FBP2: variants seen among roughly 807,000 people sequenced by gnomAD.
FBP2 encodes the protein fructose-1,6-bisphosphatase isozyme 2.
A neutral mutation model predicts 31.6 loss-of-function variants in FBP2; 27 were observed. The ratio of observed to expected loss-of-function variants is 0.85; its 90% CI spans 0.63 to 1.18. FBP2 has a LOEUF of 1.18. Among genes scored for constraint, FBP2 ranks in the 50% most tolerant of loss-of-function variants. The probability of loss-of-function intolerance (pLI) is 0.00; values close to 1 mark genes in which losing one functional copy is unlikely to be tolerated. For synonymous variants in FBP2, 168 were observed against 179.8 expected, an observed-to-expected ratio of 0.93 and a Z score of 0.53; for missense variants, 421 against 436.1, an observed-to-expected ratio of 0.97 and a Z score of 0.31.
chr9:94,591,381 G>T (rs1485001755), intron 1 of FBP2, among the ~76,000 whole-genome samples: 2 of 152,218 alleles, frequency 1.3e-5, no homozygotes, highest in Non-Finnish European at 2.9e-5. Flanking sequence ...GCAGCCACTG[G>T]CCCGGGTGCT....
intron 3 of FBP2, among the ~76,000 whole-genome samples, chr9:94,573,631 A>G (rs112048156): frequency 0.022 from 3,388 of 152,278 alleles, 130 homozygotes; most frequent in African/African-American, 0.077. Flanking sequence ...GATTACACTG[A>G]CTGATTATGA....
At position 94,593,614 on chromosome 9, in the gene FBP2, ATTGAGTTCAGCAGCTGGG is replaced by A; in HGVS notation, c.95_112del (p.Thr32_Ser37del). 6.2e-7 allele frequency: 1 copy of A among 1,614,172 alleles called. No individual in the cohort carries two copies. The stretch of plus-strand genomic sequence containing the variant: ...GGAGATGGCTTTGATGGCCGTCAGC[ATTGAGTTCAGCAGCTGGG>A]TGAGCTCCCCAGTCCCTTTGGCCTG... On this transcript the variant is annotated inframe_deletion, in exon 1 of 7. Coordinates refer to ENST00000375337, the MANE Select transcript of FBP2 (RefSeq NM_003837.4).
chr9:94,575,764 T>C (rs1827309336), intron 3 of FBP2, among the ~76,000 whole-genome samples: 1 of 152,208 alleles, frequency 6.6e-6, no homozygotes, highest in South Asian at 2.1e-4. Flanking sequence ...TGCCAACACT[T>C]GGTATGCTTA....
chr9:94,576,279 C>T (rs1001663128), intron 3 of FBP2, among the ~76,000 whole-genome samples: 4 of 152,208 alleles, frequency 2.6e-5, no homozygotes, highest in African/African-American at 9.7e-5. Context: ...CCCCTCCCTT[C>T]CCCCGAAATA....
chr9:94,586,332 G>A (rs997451236), intron 2 of FBP2, among the ~76,000 whole-genome samples: 4 of 152,106 alleles, frequency 2.6e-5, no homozygotes, highest in Non-Finnish European at 4.4e-5. Context: ...CTGAGATTGC[G>A]CCATTGCACT....
At chr9:94,565,144 C>A (rs1045013864) in intron 5 of FBP2, among the ~76,000 whole-genome samples, 5 of 152,130 alleles carry the variant, frequency 3.3e-5, no homozygotes, top group Admixed American at 6.6e-5. Context: ...GAGGCCAAGG[C>A]AGGTGGATCA....
intron 3 of FBP2, among the ~76,000 whole-genome samples, chr9:94,572,074 C>T (rs1466680599): frequency 6.6e-6 from 1 of 152,146 alleles, no homozygotes; most frequent in African/African-American, 2.4e-5. Context: ...GCTGGAGCGG[C>T]TGCACAACTC....
intron 3 of FBP2, among the ~76,000 whole-genome samples, chr9:94,583,605 A>G (rs1471783497): frequency 1.3e-5 from 2 of 152,094 alleles, no homozygotes; most frequent in South Asian, 2.1e-4. Context: ...TTTGGTTGCT[A>G]TGGATTGTTT....
chr9:94,568,162 T>C (rs995982974), intron 4 of FBP2: 1 of 151,932 alleles, frequency 6.6e-6, no homozygotes, highest in African/African-American at 2.4e-5. Flanking sequence ...AGTTATTTTG[T>C]TTATGTTAGT....
chr9:94,593,105 T>C (rs1193766144), intron 1 of FBP2, among the ~76,000 whole-genome samples: 1 of 152,206 alleles, frequency 6.6e-6, no homozygotes, highest in Non-Finnish European at 1.5e-5. Context: ...GAAGGGGCTC[T>C]ACCAAGCTTC....
chr9:94,567,705 A>G (rs911843466), intron 4 of FBP2: 5 of 323,466 alleles, frequency 1.5e-5, no homozygotes, highest in Non-Finnish European at 2.9e-5. Context: ...GAGGCTCCTC[A>G]TTTATGGTGA....
chr9:94,575,343 C>T (rs962053423), intron 3 of FBP2, among the ~76,000 whole-genome samples: 3 of 152,172 alleles, frequency 2.0e-5, no homozygotes, highest in African/African-American at 7.2e-5. Flanking sequence ...CCAAATCTAA[C>T]TTTATCTGGT....
chr9:94,559,492 C>G (rs371465632), intron 6 of FBP2, among the ~76,000 whole-genome samples: 3 of 151,146 alleles, frequency 2.0e-5, no homozygotes, highest in Non-Finnish European at 2.9e-5. Context: ...TTGGTGGAAG[C>G]CTTTATATGT....
At position 94,558,937 on chromosome 9, in the gene FBP2, G is replaced by T; in HGVS notation, c.*1C>A. Reference sequence around the variant, plus strand: ...GAAGAGGGCATGTGGGGTCAAACTCGCTAGCTGCCTGCCTGATTTTTCTGC... The same window carrying T: ...GAAGAGGGCATGTGGGGTCAAACTCTCTAGCTGCCTGCCTGATTTTTCTGC... On this transcript the variant is annotated 3_prime_UTR_variant, in exon 7 of 7. Coordinates refer to ENST00000375337, the MANE Select transcript of FBP2 (RefSeq NM_003837.4). 1 of 1,613,958 alleles carries T rather than the reference G, an allele frequency of 6.2e-7. No individual in the cohort carries two copies. Among genetic ancestry groups the T allele is most frequent in the Non-Finnish European group, 8.5e-7 (1 of 1,179,964 alleles).
At chr9:94,584,714 T>C in intron 2 of FBP2, 45 bp from the exon 3 acceptor site, 1 of 1,180,322 alleles carries the variant, frequency 8.5e-7, no homozygotes, top group Non-Finnish European at 1.3e-6. Flanking sequence ...CATCTTCCCA[T>C]TAGCACAATT....
chr9:94,569,231 G>C (rs567056078), intron 4 of FBP2: 2 of 152,422 alleles, frequency 1.3e-5, no homozygotes, highest in East Asian at 3.9e-4. Context: ...TTTGAAACCT[G>C]AGTGAGAGGC....
At chr9:94,592,192 G>A (rs1034802964) in intron 1 of FBP2, among the ~76,000 whole-genome samples, 17 of 152,170 alleles carry the variant, frequency 1.1e-4, no homozygotes, top group Admixed American at 6.5e-5. Context: ...AATGCAGAGC[G>A]TGGCTGTTAT....
chr9:94,582,351 CGTGT>C (rs71366248), intron 3 of FBP2, among the ~76,000 whole-genome samples: 62,327 of 147,418 alleles, frequency 0.42, 14,121 homozygotes, highest in Admixed American at 0.59. Context: ...TGTGTGTGTG[CGTGT>C]GTGTGTGTGT....
At chr9:94,571,936 C>G (rs1300735976) in intron 3 of FBP2, among the ~76,000 whole-genome samples, 1 of 152,182 alleles carries the variant, frequency 6.6e-6, no homozygotes, top group Non-Finnish European at 1.5e-5. Context: ...ACTCAGATCA[C>G]TGAGCTGAGC....
Sources: gnomAD v4.1 joint callset for allele counts (sites outside exome capture counted in the v4.1 genomes callset) on GRCh38, gnomAD v4.1.1 for gene constraint, MANE v1.5 for transcripts, NCBI Gene and HGNC (gene_info 2026-07-23, HGNC 2026-07-21) for gene names.